LRRC28: variants seen among roughly 807,000 people sequenced by gnomAD.
LRRC28 encodes the protein leucine-rich repeat-containing protein 28.
Under a neutral mutation model 45.7 loss-of-function variants are expected in LRRC28, and 39 were observed. That is an observed-to-expected ratio of 0.85 (90% CI 0.66 to 1.12). The LOEUF (loss-of-function observed/expected upper bound fraction) is 1.12, where lower values mean the gene tolerates loss of function less well. Among genes scored for constraint, LRRC28 ranks in the 50% most tolerant of loss-of-function variants. The pLI, the probability that LRRC28 is intolerant of heterozygous loss-of-function variation, is 0.00. For missense variants in LRRC28, 435 were observed against 438.5 expected (o/e 0.99, Z 0.07); for synonymous variants, 206 against 178.8 (o/e 1.15, Z -1.22).
chr15:99,274,487 A>G (rs1486585942), intron 2 of LRRC28, among the ~76,000 whole-genome samples: 1 of 152,188 alleles, frequency 6.6e-6, no homozygotes, highest in Non-Finnish European at 1.5e-5. Context: ...AACTAATGTC[A>G]TTTGTCTTAG....
In LRRC28 at chr15:99,258,180, C is replaced by A; in HGVS notation, c.168+2055C>A. 1.9e-6 allele frequency: 3 copies of A among 1,612,340 alleles called. No homozygotes were observed. The South Asian group carries it at 3.3e-5, about 18-fold the overall frequency. ...ACTGAAGCACAGGAAGATGGCCAGT[C>A]AACTTCTGAATTGATTGGCCAGTTT... On this transcript the variant is annotated intron_variant, in intron 2 of 9. Transcript: ENST00000301981.
At position 99,256,091 on chromosome 15, in the gene LRRC28, G is replaced by A. The variant is rs1280218809; in HGVS notation, c.134G>A (p.Arg45Lys). The change falls in exon 2 of 10, where the codon AGA becomes AAA. Residue 45 changes from arginine to lysine, a missense_variant. Physicochemically the swap from Arg to Lys is conservative, Grantham distance 26. Coordinates refer to ENST00000301981, the MANE Select transcript of LRRC28 (RefSeq NM_144598.5). ...GATGAGGGACTGCAGTACTTGGAGA[G>A]ACTCTATATGAAAAGGAACTCCCTG... ...LKDEGLQYLERLYMKRNSLTS... is the reference protein window; with the variant it reads ...LKDEGLQYLEKLYMKRNSLTS... 6.2e-7 allele frequency: 1 copy of A among 1,611,742 alleles called. No individual in the cohort carries two copies. Among genetic ancestry groups the A allele is most frequent in the Non-Finnish European group, 8.5e-7 (1 of 1,179,194 alleles).
chr15:99,270,898 G>A (rs1422775823), intron 2 of LRRC28, among the ~76,000 whole-genome samples: 2 of 152,174 alleles, frequency 1.3e-5, no homozygotes, highest in African/African-American at 4.8e-5. Context: ...AATGGTTCCA[G>A]TTTCTCCACA....
At chr15:99,304,110 GT>G (rs1217792081) in intron 5 of LRRC28, among the ~76,000 whole-genome samples, 5 of 152,110 alleles carry the variant, frequency 3.3e-5, no homozygotes, top group African/African-American at 9.7e-5. Flanking sequence ...AGTAAATAAA[GT>G]TTTTTTGGAA....
intron 5 of LRRC28, among the ~76,000 whole-genome samples, chr15:99,332,748 C>G (rs896609408): frequency 6.6e-6 from 1 of 152,160 alleles, no homozygotes; most frequent in African/African-American, 2.4e-5. Context: ...AAAAACTAAT[C>G]TGTTTAATTG....
At chr15:99,292,359 CTTT>C (rs35435895) in intron 5 of LRRC28, among the ~76,000 whole-genome samples, 1 of 133,118 alleles carries the variant, frequency 7.5e-6, no homozygotes. Context: ...ATCGTACAGT[CTTT>C]TTTTTTTTTT....
chr15:99,357,073 A>G (rs1488230356), intron 7 of LRRC28, among the ~76,000 whole-genome samples: 1 of 152,156 alleles, frequency 6.6e-6, no homozygotes, highest in Non-Finnish European at 1.5e-5. Context: ...TTTACTTTTA[A>G]GCTGAAGAAA....
chr15:99,290,237 T>C (rs1276445669), intron 5 of LRRC28, among the ~76,000 whole-genome samples: 3 of 148,270 alleles, frequency 2.0e-5, no homozygotes, highest in South Asian at 2.1e-4. Context: ...CCAGCCTGGG[T>C]GACAGAGTGA....
chr15:99,259,478 G>T, intron 2 of LRRC28: 1 of 1,163,490 alleles, frequency 8.6e-7, no homozygotes, highest in Non-Finnish European at 1.3e-6. Context: ...GCCCAATTGG[G>T]TGAAAGATAA....
At chr15:99,299,091 C>A (rs916919818) in intron 5 of LRRC28, among the ~76,000 whole-genome samples, 1 of 152,152 alleles carries the variant, frequency 6.6e-6, no homozygotes, top group Admixed American at 6.5e-5. Context: ...GCTATCTTGG[C>A]AAAATGTGGT....
chr15:99,281,316 A>G (rs190467485), intron 3 of LRRC28, among the ~76,000 whole-genome samples: 84 of 152,160 alleles, frequency 5.5e-4, no homozygotes, highest in African/African-American at 1.9e-3. Flanking sequence ...TTGTGATGCA[A>G]TCATGGCTCA....
At chr15:99,279,563 C>T (rs754093226) in intron 3 of LRRC28, among the ~76,000 whole-genome samples, 2 of 152,196 alleles carry the variant, frequency 1.3e-5, no homozygotes, top group Non-Finnish European at 2.9e-5. Flanking sequence ...GGCACTCTAA[C>T]GTGGTCCTAC....
intron 5 of LRRC28, among the ~76,000 whole-genome samples, chr15:99,304,217 A>G (rs1454133248): frequency 6.6e-6 from 1 of 152,214 alleles, no homozygotes; most frequent in African/African-American, 2.4e-5. Flanking sequence ...ATGGTTTGCA[A>G]AAACGATTTA....
At chr15:99,276,952 A>G (rs2081633192) in intron 3 of LRRC28, among the ~76,000 whole-genome samples, 2 of 152,200 alleles carry the variant, frequency 1.3e-5, no homozygotes, top group Admixed American at 1.3e-4. Context: ...TACATGTGAT[A>G]CTTGATATAA....
At chr15:99,253,083 T>C (rs1294293058) in intron 1 of LRRC28, among the ~76,000 whole-genome samples, 1 of 151,870 alleles carries the variant, frequency 6.6e-6, no homozygotes, top group Non-Finnish European at 1.5e-5. Flanking sequence ...GCCAAGTTCC[T>C]CTGAAAGAAC....
chr15:99,307,975 T>A (rs543834911), intron 5 of LRRC28, among the ~76,000 whole-genome samples: 37 of 152,316 alleles, frequency 2.4e-4, no homozygotes, highest in South Asian at 6.2e-4. Context: ...GGGCCAGTGA[T>A]GAAAACTTAA....
intron 6 of LRRC28, among the ~76,000 whole-genome samples, chr15:99,341,073 A>C (rs1597382660): frequency 7.5e-6 from 1 of 134,202 alleles, no homozygotes; most frequent in African/African-American, 2.7e-5. Flanking sequence ...ATCTGATCCT[A>C]TTCTACTGTC....
At chr15:99,373,061 AC>A (rs1311174483) in intron 9 of LRRC28, among the ~76,000 whole-genome samples, 3 of 152,146 alleles carry the variant, frequency 2.0e-5, no homozygotes, top group African/African-American at 7.2e-5. Flanking sequence ...GGTCCTTCCC[AC>A]GACACATGGG....
At chr15:99,326,343 C>A (rs1052819651) in intron 5 of LRRC28, among the ~76,000 whole-genome samples, 3 of 152,290 alleles carry the variant, frequency 2.0e-5, no homozygotes, top group Non-Finnish European at 2.9e-5. Flanking sequence ...CTAGTTTATT[C>A]TTTCAGCAAA....
Sources: gnomAD v4.1 joint callset for allele counts (sites outside exome capture counted in the v4.1 genomes callset) on GRCh38, gnomAD v4.1.1 for gene constraint, MANE v1.5 for transcripts, NCBI Gene and HGNC (gene_info 2026-07-23, HGNC 2026-07-21) for gene names.